MACF1: variants seen among roughly 807,000 people sequenced by gnomAD.
The protein encoded by MACF1 is microtubule actin crosslinking factor 1.
A neutral mutation model predicts 854.8 loss-of-function variants in MACF1; 193 were observed. The ratio of observed to expected loss-of-function variants is 0.23; its 90% CI spans 0.20 to 0.25. The LOEUF (loss-of-function observed/expected upper bound fraction) is 0.25. Ranked by LOEUF, MACF1 falls within the 10% of genes least tolerant of loss-of-function variation. The probability of loss-of-function intolerance (pLI) is 1.00; values close to 1 mark genes in which losing one functional copy is unlikely to be tolerated. For synonymous variants in MACF1, 3,185 were observed against 3,226.7 expected (o/e 0.99, Z 0.44); for missense variants, 7,722 against 8,929.1 (o/e 0.86, Z 5.45).
chr1:39,446,212 A>C (rs1644225849), intron 80 of MACF1, among the ~76,000 whole-genome samples: 1 of 152,162 alleles, frequency 6.6e-6, no homozygotes, highest in African/African-American at 2.4e-5. Flanking sequence ...ATCATTTATT[A>C]AATGTGTGTG....
chr1:39,452,854 A>G (rs779482237), intron 87 of MACF1, 42 bp downstream of exon 87: 74 of 1,602,138 alleles, frequency 4.6e-5, no homozygotes, highest in Admixed American at 1.7e-4. Context: ...GCTACCTACC[A>G]CCTTGAGGGC....
chr1:39,119,271 C>T (rs1033395895), intron 2 of MACF1, among the ~76,000 whole-genome samples: 14 of 143,394 alleles, frequency 9.8e-5, no homozygotes, highest in Non-Finnish European at 1.3e-4. Context: ...GAGCCGAGAT[C>T]GCACCATTGC....
chr1:39,361,271 C>G (rs565291399), intron 48 of MACF1, 89 bp from the exon 49 acceptor site: 5 of 1,312,762 alleles, frequency 3.8e-6, no homozygotes, highest in South Asian at 1.4e-5. Context: ...TCCAGTCCCC[C>G]TTGTGAGATA....
chr1:39,250,918 C>T (rs1290918698), intron 3 of MACF1, among the ~76,000 whole-genome samples: 1 of 152,126 alleles, frequency 6.6e-6, no homozygotes, highest in Non-Finnish European at 1.5e-5. Flanking sequence ...TTCTCTCATG[C>T]CATAGACAAC....
At chr1:39,115,472 G>A (rs1272048513) in intron 2 of MACF1, among the ~76,000 whole-genome samples, 1 of 152,134 alleles carries the variant, frequency 6.6e-6, no homozygotes. Context: ...CTAAAATAGA[G>A]AATATAAGAG....
At chr1:39,163,172 GAAA>G (rs1643836947) in intron 2 of MACF1, among the ~76,000 whole-genome samples, 3 of 151,924 alleles carry the variant, frequency 2.0e-5, no homozygotes, top group African/African-American at 7.2e-5. Flanking sequence ...CCAACATGGT[GAAA>G]CCCCATCTTT....
At chr1:39,252,326 C>G (rs1031203696) in intron 4 of MACF1, among the ~76,000 whole-genome samples, 11 of 152,166 alleles carry the variant, frequency 7.2e-5, no homozygotes, top group African/African-American at 2.7e-4. Flanking sequence ...ACTCCACAGT[C>G]TAGACTAACT....
chr1:39,095,739 G>A (rs1415529614), intron 2 of MACF1, among the ~76,000 whole-genome samples: 1 of 151,492 alleles, frequency 6.6e-6, no homozygotes, highest in African/African-American at 2.4e-5. Context: ...ATTAGGTGTG[G>A]TGGTGCATGC....
At position 39,269,147 on chromosome 1, in the gene MACF1, C is replaced by G. The variant is rs1416610642; in HGVS notation, c.528+11119C>G. On this transcript the variant is annotated intron_variant, in intron 6 of 100. Coordinates refer to ENST00000564288, the MANE Select transcript of MACF1 (RefSeq NM_001394062.1). ...CTGTCATTGCTCACCTGCTTGATAA[C>G]CCAGCAGAAAGGAACTGCGAGAAGT... 2.3e-6 allele frequency: 3 copies of G among 1,289,732 alleles called. No individual in the cohort carries two copies. In the Admixed American group the frequency reaches 6.9e-5, roughly 30 times the overall value. The allele number at this position is 1,289,732 out of a possible 1,614,324, so 79.9% of individuals were successfully genotyped here.
intron 2 of MACF1, among the ~76,000 whole-genome samples, chr1:39,192,426 CA>C (rs1644264389): frequency 6.6e-6 from 1 of 152,142 alleles, no homozygotes; most frequent in Non-Finnish European, 1.5e-5. Context: ...ATCACAAAAC[CA>C]TAAATACTGA....
intron 80 of MACF1, 132 bp from the exon 81 acceptor site, chr1:39,447,300 G>A (rs761306209): frequency 2.0e-5 from 16 of 802,252 alleles, no homozygotes; most frequent in South Asian, 7.2e-5. Context: ...ATGTTTGGAC[G>A]TTGATTAAAT....
intron 2 of MACF1, among the ~76,000 whole-genome samples, chr1:39,120,357 G>T (rs1317764246): frequency 6.6e-6 from 1 of 151,944 alleles, no homozygotes; most frequent in Non-Finnish European, 1.5e-5. Context: ...TATTTTGATT[G>T]TTGTCTGAGT....
rs1391422679 is a variant in MACF1, at chr1:39,360,013, ATATATATATATAT to A, written c.12244+750_12244+762del. The stretch of plus-strand genomic sequence containing the variant: ...AAAAAAAAAAAAAAAAAAAAAAAAA[ATATATATATATAT>A]ATATATATATATATATATATATATA... On this transcript the variant is annotated intron_variant, in intron 47 of 100. Transcript: ENST00000564288. Among the ~76,000 whole-genome samples the A allele has an allele frequency of 6.2e-3, 130 of 20,936 alleles. 1 individual carries two copies. The highest frequency in any genetic ancestry group is 0.011 in the African/African-American group (44 of 4,070). 13.7% of individuals were successfully genotyped at this position (20,936 alleles called of 152,430 possible).
intron 2 of MACF1, among the ~76,000 whole-genome samples, chr1:39,098,480 G>T (rs1641988296): frequency 6.6e-6 from 1 of 152,262 alleles, no homozygotes; most frequent in Non-Finnish European, 1.5e-5. Context: ...AGCACTTCAA[G>T]GTTCACGGAG....
At chr1:39,452,597 A>T in intron 86 of MACF1, 87 bp from the exon 87 acceptor site, 1 of 1,545,642 alleles carries the variant, frequency 6.5e-7, no homozygotes, top group South Asian at 1.2e-5. Context: ...TGTCTGAATG[A>T]ACACTGGACC....
Position 39,435,702 on chromosome 1 carries a change from A to C in MACF1, c.17929A>C (p.Lys5977Gln), listed in dbSNP as rs749697536. ...QKAENMYAQI[K>Q]EEVRQRALAL... ...AGCAGAAAACATGTATGCCCAAATA[A>C]AGGAGGAGGTGCGCCAGCGAGCCCT... is the stretch of plus-strand genomic sequence containing the variant. Residue 5977 changes from lysine (K) to glutamine (Q), a missense_variant, in exon 70 of 101, where the codon AAG becomes CAG. Coordinates refer to ENST00000564288, the MANE Select transcript of MACF1 (RefSeq NM_001394062.1). 6.2e-7 allele frequency: 1 copy of C among 1,614,184 alleles called. No individual in the cohort carries two copies. The highest frequency in any genetic ancestry group is 8.5e-7 in the Non-Finnish European group (1 of 1,180,024).
At chr1:39,122,800 G>T (rs148179045) in intron 2 of MACF1, among the ~76,000 whole-genome samples, 11 of 152,114 alleles carry the variant, frequency 7.2e-5, no homozygotes, top group African/African-American at 2.2e-4. Context: ...AAGCATTCTC[G>T]CCAGAGTCAC....
At chr1:39,247,818 G>T (rs1206996646) in intron 2 of MACF1, among the ~76,000 whole-genome samples, 1 of 152,072 alleles carries the variant, frequency 6.6e-6, no homozygotes, top group Non-Finnish European at 1.5e-5. Flanking sequence ...GGATCACAAG[G>T]TCGGGAGATT....
rs1373424993 is a variant in MACF1, at chr1:39,331,370, T to C, written c.4782T>C (p.Ser1594=). The part of the protein sequence containing the change: ...LIAPETGENL[S]LEEGIARNLI... ...CCCCTGAGACGGGTGAAAACCTCTC[T>C]TTGGAGGAGGGCATAGCCAGAAACC... Residue 1594 remains serine (S), a synonymous_variant, in exon 37 of 101, where the codon TCT becomes TCC. Transcript: ENST00000564288. 1 of 1,613,962 alleles carries C rather than the reference T, an allele frequency of 6.2e-7. No homozygotes were observed. The highest frequency in any genetic ancestry group is 1.7e-5 in the Admixed American group (1 of 60,006).
Sources: allele counts gnomAD v4.1 joint callset (sites outside exome capture counted in the v4.1 genomes callset), GRCh38; gene constraint gnomAD v4.1.1; transcripts MANE v1.5; gene names NCBI Gene and HGNC (gene_info 2026-07-23, HGNC 2026-07-21).